PIGR: variants seen among roughly 807,000 people sequenced by gnomAD.
The protein encoded by PIGR is polymeric immunoglobulin receptor.
Under a neutral mutation model 69.5 loss-of-function variants are expected in PIGR, and 22 were observed. The ratio of observed to expected loss-of-function variants is 0.32; its 90% CI spans 0.23 to 0.45. The LOEUF (loss-of-function observed/expected upper bound fraction) is 0.45, where lower values mean the gene tolerates loss of function less well. Among genes scored for constraint, PIGR ranks in the 20% least tolerant of loss-of-function variants. PIGR has a pLI of 1.00. For missense variants in PIGR, 885 were observed against 974.0 expected, an observed-to-expected ratio of 0.91 and a Z score of 1.22; for synonymous variants, 413 against 407.6, an observed-to-expected ratio of 1.01 and a Z score of -0.16.
At position 206,928,832 on chromosome 1, in the gene PIGR, T is replaced by C; in HGVS notation, c.*1486A>G. Reference sequence around the variant, plus strand: ...TTTCTCTTCTCCCTCCTCCTCCTTATTCTAAAACTGTGCCTCCAACAGAGG... The same window carrying C: ...TTTCTCTTCTCCCTCCTCCTCCTTACTCTAAAACTGTGCCTCCAACAGAGG... On this transcript the variant is annotated 3_prime_UTR_variant, in exon 11 of 11. Transcript: ENST00000356495. 1 of 152,584 alleles carries C rather than the reference T, an allele frequency of 6.6e-6. No homozygotes were observed. The highest frequency in any genetic ancestry group is 2.1e-4 in the South Asian group (1 of 4,830). 9.5% of individuals were successfully genotyped at this position (152,584 alleles called of 1,614,324 possible). A position where few individuals can be genotyped will look rare whatever the true frequency, so the allele number is the denominator to read the frequency against.
Position 206,935,461 on chromosome 1 carries a change from T to C in PIGR, c.1378+25A>G. The C allele has an allele frequency of 6.3e-7, 1 of 1,580,202 alleles. No individual in the cohort carries two copies. The highest frequency in any genetic ancestry group is 8.7e-7 in the Non-Finnish European group (1 of 1,155,262). On this transcript the variant is annotated intron_variant, in intron 5 of 10. Transcript: ENST00000356495. The surrounding 1 kb of genome is among the most constrained non-coding windows in gnomAD (Gnocchi z 4.4). ...CTGCTGGCTGGAGAGGTTTTAGAGC[T>C]TTCTCCCTCCCTGTCAACTCCTACC...
Position 206,930,389 on chromosome 1 carries a change from C to G in PIGR, c.2224G>C (p.Ala742Pro). The G allele has an allele frequency of 6.2e-7, 1 of 1,613,078 alleles. No homozygotes were observed. The highest frequency in any genetic ancestry group is 1.3e-5 in the African/African-American group (1 of 74,974). The change falls in exon 11 of 11, where the codon GCC becomes CCC. Residue 742 changes from alanine (A) to proline (P), a missense_variant. Physicochemically the swap from Ala to Pro is conservative, Grantham distance 27. Transcript: ENST00000356495. The surrounding 1 kb of genome is among the most constrained non-coding windows in gnomAD (Gnocchi z 4.3). ...GACTGGAGCAGGAAGTCTTTGTAGG[C>G]CATCTCGGCTTCCTCCTTGGATGAC... is the stretch of plus-strand genomic sequence containing the variant. ...KRSSKEEAEM[A>P]YKDFLLQSST...
rs184334384 is a variant in PIGR at position 206,942,189 on chromosome 1, C to A, written c.-53-1605G>T. 3.6e-3 allele frequency among the ~76,000 whole-genome samples: 549 copies of A among 152,314 alleles called. 7 individuals are homozygous for A. The highest frequency in any genetic ancestry group is 3.0e-3 in the Non-Finnish European group (201 of 68,024). On this transcript the variant is annotated intron_variant, in intron 1 of 10. Transcript: ENST00000356495. The stretch of plus-strand genomic sequence containing the variant: ...TGGGTGTCAGATGGCAACGTTGAGG[C>A]TCTCTTGAGTCCGGTTAATTGCCCC...
intron 3 of PIGR, among the ~76,000 whole-genome samples, chr1:206,938,288 G>A (rs291094): frequency 1 from 152,010 of 152,370 alleles, 75,826 homozygotes; most frequent in Middle Eastern, 1. Context: ...CTGCATACCC[G>A]TCATCAGCAT....
intron 6 of PIGR, 23 bp from the exon 7 acceptor site, chr1:206,933,189 T>C (rs755234154): frequency 1.2e-6 from 2 of 1,611,076 alleles, no homozygotes; most frequent in Admixed American, 3.4e-5. Context: ...AGAGTGGGCC[T>C]GGGTTGTGAT....
At chr1:206,943,655 C>T (rs1003885632) in intron 1 of PIGR, among the ~76,000 whole-genome samples, 8 of 152,176 alleles carry the variant, frequency 5.3e-5, no homozygotes, top group Non-Finnish European at 7.3e-5. Flanking sequence ...GGAGTCCAAA[C>T]CTTTGTCCAT....
rs578150538 is a variant in PIGR at position 206,945,771 on chromosome 1, T to C, written c.-54+565A>G. Among the ~76,000 whole-genome samples, 3 of 152,346 alleles carry C rather than the reference T, an allele frequency of 2.0e-5. No individual in the cohort carries two copies. The East Asian group carries it at 5.8e-4, about 29-fold the overall frequency. ...AGGACTTGCTAGGTGCCATACTTTA[T>C]GCGCACTATCTAATTCCAGGTCTGT... On this transcript the variant is annotated intron_variant, in intron 1 of 10. Coordinates refer to ENST00000356495, the MANE Select transcript of PIGR (RefSeq NM_002644.4).
chr1:206,934,529 G>A lies in PIGR; in HGVS notation c.1596C>T (p.Asn532=), dbSNP rs752891157. The change falls in exon 6 of 11, where the codon AAC becomes AAT. Residue 532 remains asparagine, a synonymous_variant. Coordinates refer to ENST00000356495, the MANE Select transcript of PIGR (RefSeq NM_002644.4). ...ENSRLVSLTL[N]LVTRADEGWY... ...AGCCCTCATCAGCCCTGGTCACCAG[G>A]TTCAGGGTCAGGGAGACAAGCCGGC... 6.2e-7 allele frequency: 1 copy of A among 1,614,240 alleles called. No individual in the cohort carries two copies. The highest frequency in any genetic ancestry group is 8.5e-7 in the Non-Finnish European group (1 of 1,180,034).
At chr1:206,945,472 T>C (rs941912234) in intron 1 of PIGR, among the ~76,000 whole-genome samples, 24 of 152,216 alleles carry the variant, frequency 1.6e-4, no homozygotes, top group Admixed American at 3.9e-4. Flanking sequence ...ATCTGCTGGC[T>C]GCAGAGCCAG....
At chr1:206,942,667 A>C (rs1680011420) in intron 1 of PIGR, among the ~76,000 whole-genome samples, 1 of 152,160 alleles carries the variant, frequency 6.6e-6, no homozygotes, top group Non-Finnish European at 1.5e-5. Flanking sequence ...GGTTGCAGAG[A>C]GTCAGATGCC....
rs765512951 is a variant in PIGR at position 206,933,161 on chromosome 1, G to A, written c.1711C>T (p.Arg571Cys). Residue 571 changes from arginine to cysteine, a missense_variant, in exon 7 of 11, where the codon CGC becomes TGC. Transcript: ENST00000356495. ...TCTGCCTTCGCTAGGCTGACATCGC[G>A]GGACCCTGCAGCAGGGAAGAGTGGG... ...AVEERKAAGSRDVSLAKADAA... is the reference protein window; with the variant it reads ...AVEERKAAGSCDVSLAKADAA... The A allele has an allele frequency of 5.0e-6, 8 of 1,613,888 alleles. No homozygotes were observed. Among genetic ancestry groups the A allele is most frequent in the South Asian group, 3.3e-5 (3 of 91,066 alleles).
intron 1 of PIGR, among the ~76,000 whole-genome samples, chr1:206,944,583 GT>G (rs1680064829): frequency 6.6e-6 from 1 of 152,218 alleles, no homozygotes. Flanking sequence ...CACCTACCAT[GT>G]GTAGGATATG....
In PIGR at chr1:206,932,444, C is replaced by G; in HGVS notation, c.2008+12G>C. 1 of 1,607,398 alleles carries G rather than the reference C, an allele frequency of 6.2e-7. No individual in the cohort carries two copies. The highest frequency in any genetic ancestry group is 1.3e-5 in the African/African-American group (1 of 74,840). On this transcript the variant is annotated intron_variant, in intron 8 of 10. Coordinates refer to ENST00000356495, the MANE Select transcript of PIGR (RefSeq NM_002644.4). ...TTGGAGGTGGGAGGCAGGGAGTATCCCAGGGACTCACCGACGTTCTTCCTG... is the reference window on the plus strand; with the variant it reads ...TTGGAGGTGGGAGGCAGGGAGTATCGCAGGGACTCACCGACGTTCTTCCTG...
chr1:206,937,672 A>G lies in PIGR; in HGVS notation c.468T>C (p.Thr156=). ...RTVTINCPFK[T]ENAQKRKSLY... is the part of the protein sequence containing the mutation. The stretch of plus-strand genomic sequence containing the variant: ...AGGACTTCCTCTTTTGAGCATTCTC[A>G]GTCTTGAAAGGGCAGTTGATGGTCA... The change falls in exon 4 of 11, where the codon ACT becomes ACC. Residue 156 remains threonine, a synonymous_variant. Coordinates refer to ENST00000356495, the MANE Select transcript of PIGR (RefSeq NM_002644.4). 1.2e-6 allele frequency: 2 copies of G among 1,613,964 alleles called. No individual in the cohort carries two copies. Among genetic ancestry groups the G allele is most frequent in the Non-Finnish European group, 1.7e-6 (2 of 1,179,952 alleles).
At chr1:206,944,594 G>A (rs1680065379) in intron 1 of PIGR, among the ~76,000 whole-genome samples, 1 of 152,178 alleles carries the variant, frequency 6.6e-6, no homozygotes, top group South Asian at 2.1e-4. Context: ...TGTAGGATAT[G>A]TTACATAACC....
chr1:206,931,417 T>C (rs1679746035), intron 10 of PIGR, 80 bp downstream of exon 10: 9 of 1,612,898 alleles, frequency 5.6e-6, no homozygotes, highest in Non-Finnish European at 7.6e-6. Flanking sequence ...CATGTTGAGG[T>C]AGTTCTTTCT....
rs754503318 is a variant in PIGR, at chr1:206,933,047, T to G, written c.1825A>C (p.Lys609Gln). 1.2e-6 allele frequency: 2 copies of G among 1,614,196 alleles called. No homozygotes were observed. The highest frequency in any genetic ancestry group is 3.3e-5 in the Admixed American group (2 of 60,022). ...TGATCTCTTGTATCTGCCACCGCCT[T>G]TTCCTCTGCAAAAAGCCTGGGATCC... is the stretch of plus-strand genomic sequence containing the variant. Reference protein sequence around the residue: ...IQDPRLFAEEKAVADTRDQAD... With the variant: ...IQDPRLFAEEQAVADTRDQAD... The change falls in exon 7 of 11, where the codon AAG becomes CAG. Residue 609 changes from lysine to glutamine, a missense_variant. Coordinates refer to ENST00000356495, the MANE Select transcript of PIGR (RefSeq NM_002644.4).
rs763129829 is a variant in PIGR, at chr1:206,940,519, C to T, written c.13G>A (p.Val5Met). 2.8e-5 allele frequency: 44 copies of T among 1,551,366 alleles called. No individual in the cohort carries two copies. Among genetic ancestry groups the T allele is most frequent in the South Asian group, 2.6e-4 (22 of 84,022 alleles). Residue 5 changes from valine to methionine, a missense_variant, in exon 2 of 11, where the codon GTG becomes ATG. Transcript: ENST00000356495. MLLFVLTCLLAVFPA... is the reference protein window; with the variant it reads MLLFMLTCLLAVFPA... ...AAGACCGCCAGCAGGCAGGTGAGCA[C>T]GAAGAGCAGCATTGCTGGTGGGTCC...
chr1:206,934,707 A>G lies in PIGR; in HGVS notation c.1418T>C (p.Val473Ala), dbSNP rs1426946243. The G allele has an allele frequency of 4.5e-5, 72 of 1,610,854 alleles. No homozygotes were observed. In the Admixed American group the frequency reaches 1.2e-3, roughly 26 times the overall value. The change falls in exon 6 of 11, where the codon GTG becomes GCG. Residue 473 changes from valine to alanine, a missense_variant. Transcript: ENST00000356495. Reference protein sequence around the residue: ...NLKVPGNVTAVLGETLKVPCH... With the variant: ...NLKVPGNVTAALGETLKVPCH... ...GGGGACCTTGAGAGTCTCTCCCAGC[A>G]CAGCCGTGACATTCCCTGGTACCTT... is the stretch of plus-strand genomic sequence containing the variant.
Sources: gnomAD v4.1 joint callset for allele counts (sites outside exome capture counted in the v4.1 genomes callset) on GRCh38, gnomAD v4.1.1 for gene constraint, Gnocchi (gnomAD v3.1) non-coding constraint, MANE v1.5 for transcripts, NCBI Gene and HGNC (gene_info 2026-07-23, HGNC 2026-07-21) for gene names.